IL1RAPL2: variants seen among roughly 807,000 people sequenced by gnomAD.
IL1RAPL2 encodes the protein interleukin 1 receptor accessory protein like 2, also known as X-linked interleukin-1 receptor accessory protein-like 2.
Under a neutral mutation model 44.1 loss-of-function variants are expected in IL1RAPL2, and 3 were observed. The observed-to-expected ratio is 0.07, with a 90% CI of 0.03 to 0.18. The LOEUF (loss-of-function observed/expected upper bound fraction) is 0.18. Among genes scored for constraint, IL1RAPL2 ranks in the 10% least tolerant of loss-of-function variants. The pLI is 1.00. For synonymous variants in IL1RAPL2, 181 were observed against 178.8 expected (o/e 1.01, Z -0.10); for missense variants, 391 against 496.4 (o/e 0.79, Z 2.02).
intron 5 of IL1RAPL2, among the ~76,000 whole-genome samples, chrX:105,276,671 TAAAAC>T (rs1267020144): frequency 4.5e-5 from 5 of 112,125 alleles, no homozygotes; most frequent in Admixed American, 1.9e-4. Context: ...GTAGACCAAA[TAAAAC>T]AGCCTGTATG....
intron 6 of IL1RAPL2, among the ~76,000 whole-genome samples, chrX:105,587,884 T>A (rs1482200536): frequency 9.1e-6 from 1 of 110,494 alleles, no homozygotes; most frequent in East Asian, 2.8e-4. Flanking sequence ...ACAAAAATTT[T>A]AAAAAATACC....
intron 5 of IL1RAPL2, among the ~76,000 whole-genome samples, chrX:105,300,022 T>A (rs1054938719): frequency 3.6e-5 from 4 of 111,303 alleles, no homozygotes; most frequent in Non-Finnish European, 7.5e-5. Context: ...CTGTAAATGG[T>A]CTTGAGTGCC....
intron 1 of IL1RAPL2, among the ~76,000 whole-genome samples, chrX:104,639,849 T>C (rs1436399028): frequency 8.9e-6 from 1 of 112,034 alleles, no homozygotes; most frequent in Non-Finnish European, 1.9e-5. Flanking sequence ...CTAAATCTGC[T>C]CTTAGTCTAA....
At chrX:105,263,445 C>A (rs995476961) in intron 4 of IL1RAPL2, among the ~76,000 whole-genome samples, 2 of 111,805 alleles carry the variant, frequency 1.8e-5, no homozygotes, top group African/African-American at 6.5e-5. Context: ...AAAGTAACCA[C>A]AACCACCAAA....
chrX:104,808,749 T>C (rs1359367536), intron 2 of IL1RAPL2, among the ~76,000 whole-genome samples: 2 of 111,635 alleles, frequency 1.8e-5, no homozygotes, highest in East Asian at 2.8e-4. Context: ...TCCAGAGATA[T>C]TGGCCAGAAG....
At chrX:105,629,843 G>A (rs1453365874) in intron 6 of IL1RAPL2, among the ~76,000 whole-genome samples, 1 of 111,665 alleles carries the variant, frequency 9.0e-6, no homozygotes, top group Admixed American at 9.5e-5. Context: ...TATGTTTTGT[G>A]TGTGTGCTGA....
chrX:105,051,254 A>G (rs2031919201), intron 2 of IL1RAPL2, among the ~76,000 whole-genome samples: 1 of 66 alleles, frequency 0.015, no homozygotes, highest in South Asian at 1. Context: ...GACAGAGGCC[A>G]GGCAGCGGAG....
At chrX:105,575,667 A>G (rs1472833526) in intron 6 of IL1RAPL2, among the ~76,000 whole-genome samples, 1 of 112,347 alleles carries the variant, frequency 8.9e-6, no homozygotes, top group East Asian at 2.8e-4. Flanking sequence ...ACAGCAATTT[A>G]TATTACCTTG....
At chrX:105,096,751 T>C (rs2032607928) in intron 2 of IL1RAPL2, among the ~76,000 whole-genome samples, 1 of 111,694 alleles carries the variant, frequency 9.0e-6, no homozygotes, top group South Asian at 3.8e-4. Context: ...AATGAAAATA[T>C]TCTGGATTTA....
At chrX:104,920,018 G>C (rs1014546303) in intron 2 of IL1RAPL2, among the ~76,000 whole-genome samples, 5 of 110,934 alleles carry the variant, frequency 4.5e-5, no homozygotes, top group African/African-American at 1.6e-4. Flanking sequence ...CAGCACCCTT[G>C]TCTACACAAC....
At chrX:104,594,975 C>T (rs759799566) in intron 1 of IL1RAPL2, among the ~76,000 whole-genome samples, 4 of 111,767 alleles carry the variant, frequency 3.6e-5, no homozygotes, top group Non-Finnish European at 7.5e-5. Context: ...CATGTTGAGG[C>T]ACTTAGAGTG....
At chrX:104,633,808 A>T (rs762887715) in intron 1 of IL1RAPL2, among the ~76,000 whole-genome samples, 105 of 110,651 alleles carry the variant, frequency 9.5e-4, no homozygotes, top group African/African-American at 3.3e-3. Context: ...GGATTCATTG[A>T]TTTTTTTGAA....
At chrX:104,940,018 T>C (rs1273936722) in intron 2 of IL1RAPL2, among the ~76,000 whole-genome samples, 1 of 111,549 alleles carries the variant, frequency 9.0e-6, no homozygotes, top group East Asian at 2.8e-4. Flanking sequence ...AAATTGGCTG[T>C]AGTGATAGTT....
At chrX:105,036,407 A>G (rs1217875821) in intron 2 of IL1RAPL2, among the ~76,000 whole-genome samples, 1 of 112,088 alleles carries the variant, frequency 8.9e-6, no homozygotes, top group Non-Finnish European at 1.9e-5. Flanking sequence ...TCATGGATCA[A>G]TCTCTGGTAT....
chrX:104,962,126 C>T (rs1410820733), intron 2 of IL1RAPL2, among the ~76,000 whole-genome samples: 1 of 112,110 alleles, frequency 8.9e-6, no homozygotes, highest in South Asian at 3.7e-4. Context: ...TGCCTCACTT[C>T]TATGTTTCTA....
chrX:104,755,704 G>T (rs1932330339), intron 2 of IL1RAPL2, among the ~76,000 whole-genome samples: 1 of 110,158 alleles, frequency 9.1e-6, no homozygotes, highest in Admixed American at 9.7e-5. Context: ...TTTGAAAAAG[G>T]CACGGTCTGA....
intron 7 of IL1RAPL2, among the ~76,000 whole-genome samples, chrX:105,725,143 C>A (rs998192771): frequency 2.7e-5 from 3 of 111,585 alleles, no homozygotes; most frequent in Admixed American, 1.9e-4. Context: ...AAAGACTCCA[C>A]GAATTTCAAG....
At chrX:104,975,753 G>A (rs931510980) in intron 2 of IL1RAPL2, among the ~76,000 whole-genome samples, 6 of 112,080 alleles carry the variant, frequency 5.4e-5, no homozygotes, top group Non-Finnish European at 9.4e-5. Flanking sequence ...CCCTCTCCAG[G>A]TGGTACTGGT....
chrX:105,392,408 A>G (rs867715884), intron 5 of IL1RAPL2, among the ~76,000 whole-genome samples: 3 of 111,441 alleles, frequency 2.7e-5, no homozygotes, highest in Non-Finnish European at 5.7e-5. Flanking sequence ...TCAATAAATT[A>G]TACACTCTAA....
Sources: allele counts gnomAD v4.1 joint callset (sites outside exome capture counted in the v4.1 genomes callset), GRCh38; gene constraint gnomAD v4.1.1; transcripts MANE v1.5; gene names NCBI Gene and HGNC (gene_info 2026-07-23, HGNC 2026-07-21).